Variants in ZNF536 observed in about 807,000 individuals in gnomAD.
ZNF536 encodes zinc finger protein 536.
Under a neutral mutation model 84.5 loss-of-function variants are expected in ZNF536, and 13 were observed. That is an observed-to-expected ratio of 0.15 (90% CI 0.10 to 0.24). ZNF536 has a LOEUF of 0.24. Ranked by LOEUF, ZNF536 falls within the 10% of genes least tolerant of loss-of-function variation. ZNF536 has a pLI of 1.00. For missense variants in ZNF536, 1,536 were observed against 1,747.5 expected, an observed-to-expected ratio of 0.88 and a Z score of 2.16; for synonymous variants, 811 against 742.5, an observed-to-expected ratio of 1.09 and a Z score of -1.50.
chr19:30,690,100 T>C (rs369671516), intron 1 of ZNF536, among the ~76,000 whole-genome samples: 3 of 152,194 alleles, frequency 2.0e-5, no homozygotes, highest in African/African-American at 7.2e-5. Flanking sequence ...TTCATAAAAC[T>C]GGAATGGACA....
chr19:30,552,082 G>A (rs969551336), intron 4 of ZNF536, among the ~76,000 whole-genome samples: 5 of 152,062 alleles, frequency 3.3e-5, no homozygotes, highest in Non-Finnish European at 7.3e-5. Context: ...AGCATGGCAA[G>A]AAGCACAAGT....
chr19:30,278,603 G>C (rs1430784966), intron 1 of ZNF536, among the ~76,000 whole-genome samples: 1 of 152,166 alleles, frequency 6.6e-6, no homozygotes, highest in Non-Finnish European at 1.5e-5. Flanking sequence ...TGGTTTGGGA[G>C]CTGGTTCCCT....
At chr19:30,603,952 T>C (rs2047781796) in intron 1 of ZNF536, among the ~76,000 whole-genome samples, 1 of 152,132 alleles carries the variant, frequency 6.6e-6, no homozygotes, top group Non-Finnish European at 1.5e-5. Context: ...TAGCCAGGCG[T>C]GGTGGCACAC....
At chr19:30,281,777 C>T (rs940448755) in intron 1 of ZNF536, among the ~76,000 whole-genome samples, 2 of 152,162 alleles carry the variant, frequency 1.3e-5, no homozygotes, top group African/African-American at 4.8e-5. Context: ...CTACCCAACC[C>T]CCACTTAGTT....
chr19:30,404,135 G>T (rs192814002), intron 1 of ZNF536, among the ~76,000 whole-genome samples: 89 of 148,392 alleles, frequency 6.0e-4, no homozygotes, highest in African/African-American at 2.0e-3. Flanking sequence ...GTAGGTAGAA[G>T]AACTGTAGCG....
intron 2 of ZNF536, among the ~76,000 whole-genome samples, chr19:30,462,951 GCGTATC>G (rs1351566474): frequency 7.1e-6 from 1 of 140,962 alleles, no homozygotes; most frequent in Non-Finnish European, 1.6e-5. Flanking sequence ...GCTGGGATGG[GCGTATC>G]CGTATGCATT....
At chr19:30,273,912 TG>T (rs2025989080) in intron 1 of ZNF536, among the ~76,000 whole-genome samples, 1 of 152,248 alleles carries the variant, frequency 6.6e-6, no homozygotes, top group Admixed American at 6.5e-5. Flanking sequence ...CATGCATATA[TG>T]TGCAAGAATG....
At chr19:30,536,098 G>A (rs2045067158) in intron 3 of ZNF536, among the ~76,000 whole-genome samples, 1 of 152,144 alleles carries the variant, frequency 6.6e-6, no homozygotes, top group South Asian at 2.1e-4. Flanking sequence ...CCAAAGAGGT[G>A]TCTTTTAAAA....
intron 2 of ZNF536, among the ~76,000 whole-genome samples, chr19:30,498,211 G>A (rs1195856520): frequency 1.3e-5 from 2 of 152,176 alleles, no homozygotes; most frequent in African/African-American, 4.8e-5. Flanking sequence ...ATGATAGACT[G>A]TATAAAGAAA....
At chr19:30,613,176 C>A (rs1345501649) in intron 1 of ZNF536, among the ~76,000 whole-genome samples, 1 of 152,140 alleles carries the variant, frequency 6.6e-6, no homozygotes, top group Non-Finnish European at 1.5e-5. Flanking sequence ...AACTTTGGGT[C>A]ACTCGGTTAA....
At chr19:30,423,909 A>G (rs1220475795) in intron 1 of ZNF536, among the ~76,000 whole-genome samples, 2 of 152,292 alleles carry the variant, frequency 1.3e-5, no homozygotes, top group Admixed American at 1.3e-4. Context: ...AGACACAGGC[A>G]GTCCCAGGCT....
chr19:30,602,700 G>C lies in ZNF536; in HGVS notation c.169+53186G>C, dbSNP rs1454659272. Among the ~76,000 whole-genome samples the C allele has an allele frequency of 3.9e-5, 6 of 152,282 alleles. No homozygotes were observed. In the East Asian group the frequency reaches 1.2e-3, roughly 29 times the overall value. ...AAGTTCCAGGGTTCAAGGAGCAACA[G>C]ATGCAGGGTTTGTGCTAGCTCAGTC... is the stretch of plus-strand genomic sequence containing the variant. On this transcript the variant is annotated intron_variant, in intron 1 of 1. Coordinates refer to the ZNF536 transcript ENST00000592773.
At chr19:30,239,409 A>T (rs1370627447) in intron 1 of ZNF536, among the ~76,000 whole-genome samples, 1 of 152,302 alleles carries the variant, frequency 6.6e-6, no homozygotes, top group South Asian at 2.1e-4. Flanking sequence ...TCTGAACGGA[A>T]CCTATGTCAG....
chr19:30,541,657 A>G (rs2045337460), intron 3 of ZNF536, among the ~76,000 whole-genome samples: 1 of 152,232 alleles, frequency 6.6e-6, no homozygotes, highest in African/African-American at 2.4e-5. Context: ...GGAAATATCC[A>G]TTAGTGAAAT....
At chr19:30,306,936 T>C (rs1204337356) in intron 2 of ZNF536, among the ~76,000 whole-genome samples, 1 of 152,198 alleles carries the variant, frequency 6.6e-6, no homozygotes, top group Non-Finnish European at 1.5e-5. Context: ...AAATTCAGTA[T>C]GTAAAGAACA....
intron 1 of ZNF536, among the ~76,000 whole-genome samples, chr19:30,409,732 T>C (rs1006063841): frequency 1.3e-5 from 2 of 152,250 alleles, no homozygotes; most frequent in African/African-American, 4.8e-5. Flanking sequence ...CCTTTCCTTA[T>C]ATTCCTTCAA....
intron 1 of ZNF536, among the ~76,000 whole-genome samples, chr19:30,439,202 C>T (rs896336490): frequency 3.3e-5 from 5 of 152,134 alleles, no homozygotes; most frequent in African/African-American, 1.2e-4. Context: ...GACACCAAAG[C>T]TGCGATGGTT....
intron 1 of ZNF536, among the ~76,000 whole-genome samples, chr19:30,255,775 T>C (rs921536727): frequency 2.6e-5 from 4 of 152,202 alleles, no homozygotes; most frequent in African/African-American, 7.2e-5. Context: ...TCATCAGTGA[T>C]TGTAGGGTGC....
At chr19:30,321,588 A>T (rs2046857618) in intron 2 of ZNF536, among the ~76,000 whole-genome samples, 1 of 151,904 alleles carries the variant, frequency 6.6e-6, no homozygotes, top group Admixed American at 6.6e-5. Context: ...TGATAAAAGA[A>T]ATCTTCATTC....
Sources: allele counts gnomAD v4.1 joint callset (sites outside exome capture counted in the v4.1 genomes callset), GRCh38; gene constraint gnomAD v4.1.1; transcripts MANE v1.5; gene names NCBI Gene and HGNC (gene_info 2026-07-23, HGNC 2026-07-21).